The following CHSY3 variants were observed in gnomAD, a reference collection of about 807,000 sequenced individuals.
The protein encoded by CHSY3 is chondroitin sulfate synthase 3.
Under a neutral mutation model 67.2 loss-of-function variants are expected in CHSY3, and 35 were observed. The ratio of observed to expected loss-of-function variants is 0.52; its 90% confidence interval spans 0.40 to 0.69. CHSY3 has a LOEUF of 0.69. Ranked by LOEUF, CHSY3 falls within the 30% of genes least tolerant of loss-of-function variation. The probability of loss-of-function intolerance (pLI) is 0.00; values close to 1 mark genes in which losing one functional copy is unlikely to be tolerated. For missense variants in CHSY3, 1,069 were observed against 1,138.5 expected (o/e 0.94, Z 0.88); for synonymous variants, 474 against 434.7 (o/e 1.09, Z -1.12).
intron 2 of CHSY3, among the ~76,000 whole-genome samples, chr5:130,143,756 A>ATGTG (rs1172129222): frequency 5.9e-5 from 6 of 101,918 alleles, no homozygotes; most frequent in African/African-American, 2.9e-4. Flanking sequence ...ATATATATAT[A>ATGTG]TGTGTGTGTG....
Position 130,102,422 on chromosome 5 carries a change from A to G in CHSY3, c.1087-81807A>G, listed in dbSNP as rs114243127. ...TTCATACTGTTTAATAAATCAATGT[A>G]ATTTGAAAACCTTACTGGTAGTTAA... On this transcript the variant is annotated intron_variant, in intron 2 of 2. Coordinates refer to ENST00000305031, the MANE Select transcript of CHSY3 (RefSeq NM_175856.5). Among the ~76,000 whole-genome samples the G allele has an allele frequency of 7.8e-3, 1,180 of 152,194 alleles. 13 individuals are homozygous for G. The highest frequency in any genetic ancestry group is 0.026 in the African/African-American group (1,090 of 41,550).
At chr5:130,077,095 A>G (rs1303033736) in intron 2 of CHSY3, among the ~76,000 whole-genome samples, 3 of 151,634 alleles carry the variant, frequency 2.0e-5, no homozygotes, top group Non-Finnish European at 2.9e-5. Flanking sequence ...CTTAAAGTAT[A>G]ATAATAATAA....
intron 2 of CHSY3, among the ~76,000 whole-genome samples, chr5:129,961,584 G>C (rs1448071335): frequency 1.3e-5 from 2 of 151,738 alleles, no homozygotes; most frequent in Non-Finnish European, 2.9e-5. Context: ...CACACCTTTT[G>C]TTTCTGATTT....
At chr5:130,089,235 G>C (rs923965885) in intron 2 of CHSY3, among the ~76,000 whole-genome samples, 1 of 109,528 alleles carries the variant, frequency 9.1e-6, no homozygotes, top group Non-Finnish European at 1.8e-5. Context: ...GGTGGGGGGT[G>C]GGGGGAGGGA....
intron 2 of CHSY3, among the ~76,000 whole-genome samples, chr5:130,098,549 GA>G (rs1001552427): frequency 4.0e-5 from 6 of 151,702 alleles, no homozygotes; most frequent in Admixed American, 1.3e-4. Context: ...ACCAAGGGGA[GA>G]AAAAAAATGG....
chr5:129,998,251 T>C (rs1240607990), intron 2 of CHSY3, among the ~76,000 whole-genome samples: 1 of 152,168 alleles, frequency 6.6e-6, no homozygotes. Context: ...TTAATAACAC[T>C]TCGGTTATTT....
intron 2 of CHSY3, among the ~76,000 whole-genome samples, chr5:130,079,189 C>T (rs1193744250): frequency 6.6e-6 from 1 of 152,052 alleles, no homozygotes; most frequent in Non-Finnish European, 1.5e-5. Context: ...ATTTTTCCAG[C>T]CTGGATATAG....
chr5:130,088,833 A>C (rs928025956), intron 2 of CHSY3, among the ~76,000 whole-genome samples: 4 of 152,124 alleles, frequency 2.6e-5, no homozygotes, highest in African/African-American at 9.7e-5. Flanking sequence ...AGGGATCTAG[A>C]ACTAGAAATA....
intron 2 of CHSY3, among the ~76,000 whole-genome samples, chr5:130,117,600 A>T (rs2190814): frequency 0.021 from 3,268 of 152,100 alleles, 123 homozygotes; most frequent in African/African-American, 0.073. Context: ...TAATAAACAA[A>T]TTTTTTTTAT....
chr5:129,952,729 TG>T (rs1762058164), intron 2 of CHSY3, among the ~76,000 whole-genome samples: 1 of 152,190 alleles, frequency 6.6e-6, no homozygotes, highest in Non-Finnish European at 1.5e-5. Context: ...TGGCATGCTG[TG>T]GTAGTTGCCT....
intron 2 of CHSY3, among the ~76,000 whole-genome samples, chr5:129,924,379 G>A (rs965964177): frequency 3.3e-5 from 5 of 152,002 alleles, no homozygotes; most frequent in Non-Finnish European, 4.4e-5. Flanking sequence ...CGAGCGCAGT[G>A]GCTCATGCCT....
chr5:129,942,046 G>C (rs765259059), intron 2 of CHSY3, among the ~76,000 whole-genome samples: 15 of 152,148 alleles, frequency 9.9e-5, no homozygotes, highest in Non-Finnish European at 1.5e-4. Flanking sequence ...GTTTTTATGG[G>C]AGCTTCACAG....
intron 2 of CHSY3, among the ~76,000 whole-genome samples, chr5:129,995,821 C>G (rs1337887679): frequency 6.6e-6 from 1 of 151,970 alleles, no homozygotes; most frequent in Non-Finnish European, 1.5e-5. Flanking sequence ...CCTTACTTAT[C>G]TTCTTCCCTG....
intron 2 of CHSY3, among the ~76,000 whole-genome samples, chr5:130,073,764 T>C (rs2149682986): frequency 6.6e-6 from 1 of 152,316 alleles, no homozygotes; most frequent in East Asian, 1.9e-4. Context: ...ATTGTCGTAT[T>C]AATCTATTGT....
intron 2 of CHSY3, among the ~76,000 whole-genome samples, chr5:130,160,024 A>G (rs1769484931): frequency 6.6e-6 from 1 of 152,190 alleles, no homozygotes; most frequent in African/African-American, 2.4e-5. Flanking sequence ...AAGAAAGCAT[A>G]TGTTACTGGA....
At chr5:129,960,379 G>A (rs1485077249) in intron 2 of CHSY3, among the ~76,000 whole-genome samples, 2 of 152,010 alleles carry the variant, frequency 1.3e-5, no homozygotes, top group African/African-American at 4.8e-5. Flanking sequence ...AATGGTCATT[G>A]AGGTTGGGAT....
chr5:129,915,250 T>C (rs906955156), intron 2 of CHSY3, among the ~76,000 whole-genome samples: 1 of 152,172 alleles, frequency 6.6e-6, no homozygotes, highest in Non-Finnish European at 1.5e-5. Context: ...AGTCATTATC[T>C]GATATTATTG....
chr5:130,181,994 A>AT (rs1770262966), intron 2 of CHSY3, among the ~76,000 whole-genome samples: 1 of 39,686 alleles, frequency 2.5e-5, no homozygotes, highest in African/African-American at 6.5e-5. Context: ...AGGTGTATGT[A>AT]TGTATATATA....
chr5:129,905,609 C>G lies in CHSY3; in HGVS notation c.780C>G (p.Ala260=). 1.2e-6 allele frequency: 2 copies of G among 1,613,664 alleles called. No individual in the cohort carries two copies. Among genetic ancestry groups the G allele is most frequent in the African/African-American group, 1.3e-5 (1 of 75,020 alleles). The part of the protein sequence containing the change: ...YLDKYEWFMR[A]DDDVYIKGDK... ...ACAAGTATGAGTGGTTCATGCGCGCCGACGACGATGTCTACATCAAAGGTG... is the reference window on the plus strand; with the variant it reads ...ACAAGTATGAGTGGTTCATGCGCGCGGACGACGATGTCTACATCAAAGGTG... Residue 260 remains alanine, a synonymous_variant, in exon 1 of 3, where the codon GCC becomes GCG. Coordinates refer to ENST00000305031, the MANE Select transcript of CHSY3 (RefSeq NM_175856.5).
Sources: allele counts gnomAD v4.1 joint callset (sites outside exome capture counted in the v4.1 genomes callset), GRCh38; gene constraint gnomAD v4.1.1; transcripts MANE v1.5; gene names NCBI Gene and HGNC (gene_info 2026-07-23, HGNC 2026-07-21).